NELL1: variants seen among roughly 807,000 people sequenced by gnomAD.
The protein encoded by NELL1 is protein kinase C-binding protein NELL1.
Under a neutral mutation model 107.4 loss-of-function variants are expected in NELL1, and 76 were observed. That is an observed-to-expected ratio of 0.71 (90% CI 0.59 to 0.86). The LOEUF (loss-of-function observed/expected upper bound fraction) is 0.86, where lower values mean the gene tolerates loss of function less well. Among genes scored for constraint, NELL1 ranks in the 40% least tolerant of loss-of-function variants. The pLI, the probability that NELL1 is intolerant of heterozygous loss-of-function variation, is 0.00. For synonymous variants in NELL1, 353 were observed against 341.2 expected (o/e 1.03, Z -0.38); for missense variants, 1,024 against 1,005.5 (o/e 1.02, Z -0.25).
intron 14 of NELL1, among the ~76,000 whole-genome samples, chr11:21,290,124 C>G (rs562201024): frequency 8.4e-4 from 128 of 152,234 alleles, no homozygotes; most frequent in African/African-American, 2.8e-3. Context: ...AATCCCAGCA[C>G]TTTGGGAGGC....
intron 5 of NELL1, among the ~76,000 whole-genome samples, chr11:20,907,919 G>A (rs1394174645): frequency 1.3e-5 from 2 of 152,082 alleles, no homozygotes; most frequent in Non-Finnish European, 2.9e-5. Context: ...CTCAAAGGAA[G>A]ACATTTACAC....
At chr11:21,013,987 T>C (rs564237756) in intron 12 of NELL1, among the ~76,000 whole-genome samples, 85 of 152,094 alleles carry the variant, frequency 5.6e-4, no homozygotes, top group Middle Eastern at 3.4e-3. Flanking sequence ...TAGGCTGGGG[T>C]TATGTGTATT....
intron 15 of NELL1, among the ~76,000 whole-genome samples, chr11:21,493,896 A>G (rs1433248979): frequency 6.6e-6 from 1 of 152,002 alleles, no homozygotes; most frequent in African/African-American, 2.4e-5. Context: ...TATCAGTAAA[A>G]TATTGATATG....
At chr11:20,973,378 G>A (rs1258277933) in intron 12 of NELL1, among the ~76,000 whole-genome samples, 1 of 152,132 alleles carries the variant, frequency 6.6e-6, no homozygotes, top group Non-Finnish European at 1.5e-5. Flanking sequence ...AAAGTGTTGG[G>A]ATTACAGGCA....
chr11:21,333,641 T>C (rs1390993246), intron 14 of NELL1, among the ~76,000 whole-genome samples: 1 of 152,046 alleles, frequency 6.6e-6, no homozygotes, highest in Non-Finnish European at 1.5e-5. Context: ...GGTTGTCGTC[T>C]ATATTCAGCT....
intron 2 of NELL1, among the ~76,000 whole-genome samples, chr11:20,761,913 A>G (rs889979902): frequency 3.3e-5 from 5 of 152,356 alleles, no homozygotes; most frequent in African/African-American, 1.2e-4. Context: ...TTTGAAAGAC[A>G]TACGAGAGTC....
intron 3 of NELL1, among the ~76,000 whole-genome samples, chr11:20,840,778 C>T (rs1848607065): frequency 6.6e-6 from 1 of 152,208 alleles, no homozygotes; most frequent in Admixed American, 6.5e-5. Context: ...GACACAGTTC[C>T]CACCTTTCAA....
At chr11:21,264,681 C>A (rs891648274) in intron 14 of NELL1, among the ~76,000 whole-genome samples, 13 of 151,694 alleles carry the variant, frequency 8.6e-5, no homozygotes, top group African/African-American at 2.9e-4. Context: ...GAATTTGGGG[C>A]TAATTGAAAT....
chr11:20,972,225 A>G (rs1298697957), intron 12 of NELL1, among the ~76,000 whole-genome samples: 1 of 152,206 alleles, frequency 6.6e-6, no homozygotes, highest in Non-Finnish European at 1.5e-5. Context: ...ATAAATTGCT[A>G]TAAGAACTAA....
intron 14 of NELL1, among the ~76,000 whole-genome samples, chr11:21,315,370 G>GACACACACAC (rs1849854657): frequency 6.6e-6 from 1 of 152,156 alleles, no homozygotes; most frequent in South Asian, 2.1e-4. Context: ...ACCCAGTTAA[G>GACACACACAC]ACACAAGGGT....
intron 14 of NELL1, among the ~76,000 whole-genome samples, chr11:21,338,552 A>G (rs990314318): frequency 6.6e-6 from 1 of 152,174 alleles, no homozygotes; most frequent in African/African-American, 2.4e-5. Context: ...GGGTGGGTAC[A>G]GATGGCGACT....
At chr11:21,312,998 C>T (rs1223317394) in intron 14 of NELL1, among the ~76,000 whole-genome samples, 1 of 151,814 alleles carries the variant, frequency 6.6e-6, no homozygotes, top group Admixed American at 6.6e-5. Context: ...ATCCCTTGAA[C>T]CTGAGAGGAA....
rs550909529 is a variant in NELL1, at chr11:21,490,867, A to G, written c.1646-43507A>G. On this transcript the variant is annotated intron_variant, in intron 15 of 19. Transcript: ENST00000357134. ...AACTGCTATAAAAAACATAAGGAAA[A>G]CACATCAAAATGTCAGTCTAAGAAA... Among the ~76,000 whole-genome samples the G allele has an allele frequency of 2.0e-5, 3 of 152,034 alleles. No individual in the cohort carries two copies. The South Asian group carries it at 6.2e-4, about 31-fold the overall frequency.
chr11:21,295,591 A>G (rs1849357747), intron 14 of NELL1, among the ~76,000 whole-genome samples: 1 of 152,058 alleles, frequency 6.6e-6, no homozygotes. Context: ...GGGTCATTAC[A>G]GCAGTTGCGA....
intron 15 of NELL1, among the ~76,000 whole-genome samples, chr11:21,492,303 T>C (rs920983685): frequency 3.9e-5 from 6 of 152,192 alleles, no homozygotes; most frequent in South Asian, 2.1e-4. Flanking sequence ...GGTGGGACTG[T>C]AAACTAGTTC....
At chr11:21,501,907 C>T (rs545279951) in intron 15 of NELL1, among the ~76,000 whole-genome samples, 1 of 152,282 alleles carries the variant, frequency 6.6e-6, no homozygotes, top group East Asian at 1.9e-4. Context: ...CTCCCAAGTT[C>T]TTAAAGTTTA....
intron 12 of NELL1, among the ~76,000 whole-genome samples, chr11:21,063,107 T>C (rs2134365702): frequency 1.3e-5 from 2 of 152,164 alleles, no homozygotes; most frequent in Middle Eastern, 6.8e-3. Context: ...CTCAGACTCC[T>C]GAAGTGCTAG....
chr11:20,684,019 C>CTTT (rs34913687), intron 2 of NELL1, among the ~76,000 whole-genome samples: 3 of 131,274 alleles, frequency 2.3e-5, no homozygotes, highest in Non-Finnish European at 4.9e-5. Context: ...TCTGTTCGTT[C>CTTT]TTTTTTTTTT....
intron 12 of NELL1, among the ~76,000 whole-genome samples, chr11:21,092,269 G>A (rs1590628130): frequency 6.6e-6 from 1 of 152,116 alleles, no homozygotes; most frequent in African/African-American, 2.4e-5. Context: ...TGTCTATAGG[G>A]ACAATAGCTC....
Sources: allele counts gnomAD v4.1 joint callset (sites outside exome capture counted in the v4.1 genomes callset), GRCh38; gene constraint gnomAD v4.1.1; transcripts MANE v1.5; gene names NCBI Gene and HGNC (gene_info 2026-07-23, HGNC 2026-07-21).